The following AK5 variants were observed in gnomAD, a reference collection of about 807,000 sequenced individuals.
AK5 encodes adenylate kinase isoenzyme 5.
A neutral mutation model predicts 69.5 loss-of-function variants in AK5; 27 were observed. The ratio of observed to expected loss-of-function variants is 0.39; its 90% CI spans 0.29 to 0.54. The LOEUF (loss-of-function observed/expected upper bound fraction) is 0.54, where lower values mean the gene tolerates loss of function less well. AK5 is among the 20% of genes least tolerant of loss of function. The pLI is 0.71. For synonymous variants in AK5, 260 were observed against 244.4 expected (o/e 1.06, Z -0.60); for missense variants, 531 against 700.4 (o/e 0.76, Z 2.73).
chr1:77,367,770 G>GTTATATATA (rs1647007830), intron 6 of AK5, among the ~76,000 whole-genome samples: 7 of 5,286 alleles, frequency 1.3e-3, no homozygotes, highest in African/African-American at 3.6e-3. Flanking sequence ...TATAATATAT[G>GTTATATATA]TTATATATAA....
intron 8 of AK5, among the ~76,000 whole-genome samples, chr1:77,456,019 G>C (rs1353470107): frequency 6.6e-6 from 1 of 152,198 alleles, no homozygotes; most frequent in Non-Finnish European, 1.5e-5. Context: ...GCTAATTCAT[G>C]AAAGTAACCC....
At chr1:77,298,302 T>G in intron 5 of AK5, among the ~76,000 whole-genome samples, 1 of 152,246 alleles carries the variant, frequency 6.6e-6, no homozygotes, top group East Asian at 1.9e-4. Flanking sequence ...TACCCTGTAC[T>G]TATATTCATG....
chr1:77,533,518 A>C (rs796467097), intron 12 of AK5, among the ~76,000 whole-genome samples: 1 of 143,172 alleles, frequency 7.0e-6, no homozygotes, highest in South Asian at 2.5e-4. Flanking sequence ...CCAAAAAAAA[A>C]AAAAAAAAAA....
At chr1:77,352,254 G>A (rs1304442757) in intron 6 of AK5, among the ~76,000 whole-genome samples, 4 of 152,092 alleles carry the variant, frequency 2.6e-5, no homozygotes, top group Non-Finnish European at 4.4e-5. Flanking sequence ...TATGAAAAAT[G>A]GTTAAAATAG....
intron 13 of AK5, 139 bp from the exon 14 acceptor site, chr1:77,558,463 T>G: frequency 1.8e-6 from 1 of 551,806 alleles, no homozygotes; most frequent in Non-Finnish European, 3.2e-6. Flanking sequence ...CTCTTCACTT[T>G]TTTCTCTGTG....
chr1:77,365,173 A>G (rs1261256586), intron 6 of AK5, among the ~76,000 whole-genome samples: 1 of 152,186 alleles, frequency 6.6e-6, no homozygotes, highest in Admixed American at 6.5e-5. Flanking sequence ...CTTTTAAAAA[A>G]TGCCTGTTCA....
At position 77,343,379 on chromosome 1, in the gene AK5, G is replaced by A. The variant is rs1032577328; in HGVS notation, c.891+2811G>A. On this transcript the variant is annotated intron_variant, in intron 6 of 13. Coordinates refer to ENST00000354567, the MANE Select transcript of AK5 (RefSeq NM_174858.3). Reference sequence around the variant, plus strand: ...TCCTGTCACTTGGAATCTCAGTTCCGTTGCCATTTAATAATTTCATGATGC... The same window carrying A: ...TCCTGTCACTTGGAATCTCAGTTCCATTGCCATTTAATAATTTCATGATGC... 2.1e-4 allele frequency among the ~76,000 whole-genome samples: 32 copies of A among 152,246 alleles called. 1 individual carries two copies. Among genetic ancestry groups the A allele is most frequent in the Admixed American group, 1.6e-3 (24 of 15,300 alleles).
chr1:77,409,989 G>A (rs1013709155), intron 6 of AK5, among the ~76,000 whole-genome samples: 42 of 152,016 alleles, frequency 2.8e-4, no homozygotes, highest in Middle Eastern at 3.2e-3. Flanking sequence ...ACTATTTATT[G>A]AATAGGGAGT....
chr1:77,439,826 G>T (rs1016135540), intron 8 of AK5, among the ~76,000 whole-genome samples: 23 of 149,978 alleles, frequency 1.5e-4, no homozygotes, highest in Non-Finnish European at 2.9e-4. Context: ...ATGTATGTAT[G>T]TATATCTCAT....
At chr1:77,490,042 C>T (rs1253409622) in intron 10 of AK5, among the ~76,000 whole-genome samples, 1 of 152,184 alleles carries the variant, frequency 6.6e-6, no homozygotes, top group Non-Finnish European at 1.5e-5. Context: ...CTACATCATT[C>T]ATTTGGGTAC....
chr1:77,454,027 G>A (rs1354422348), intron 8 of AK5, among the ~76,000 whole-genome samples: 1 of 152,160 alleles, frequency 6.6e-6, no homozygotes, highest in Admixed American at 6.6e-5. Context: ...TGAGGAAGAA[G>A]CTTCTAGTCT....
intron 8 of AK5, among the ~76,000 whole-genome samples, chr1:77,466,896 C>T (rs552473294): frequency 2.0e-3 from 300 of 152,316 alleles, no homozygotes; most frequent in African/African-American, 6.9e-3. Context: ...CCATAGCAAC[C>T]ATAGCACCCA....
chr1:77,431,324 T>C (rs1651622900), intron 8 of AK5, among the ~76,000 whole-genome samples: 1 of 152,216 alleles, frequency 6.6e-6, no homozygotes, highest in East Asian at 1.9e-4. Flanking sequence ...TTTCATTTTT[T>C]TCATTCCTTT....
chr1:77,333,528 T>C (rs1260301739), intron 5 of AK5, among the ~76,000 whole-genome samples: 1 of 150,834 alleles, frequency 6.6e-6, no homozygotes, highest in Non-Finnish European at 1.5e-5. Context: ...AATTAAGCAA[T>C]TTTTATTTTT....
At chr1:77,305,126 G>T (rs888937891) in intron 5 of AK5, among the ~76,000 whole-genome samples, 1 of 152,084 alleles carries the variant, frequency 6.6e-6, no homozygotes, top group African/African-American at 2.4e-5. Context: ...TTTGCCATTT[G>T]TATATTGTCT....
At chr1:77,473,110 G>T (rs1364401008) in intron 8 of AK5, among the ~76,000 whole-genome samples, 3 of 152,024 alleles carry the variant, frequency 2.0e-5, no homozygotes, top group Non-Finnish European at 4.4e-5. Flanking sequence ...CTTTGCTGGG[G>T]GTGGGAGGAT....
At chr1:77,544,032 G>A (rs1659415910) in intron 13 of AK5, among the ~76,000 whole-genome samples, 2 of 152,152 alleles carry the variant, frequency 1.3e-5, no homozygotes, top group African/African-American at 4.8e-5. Context: ...ATCAGAGAGT[G>A]TACTAACACA....
intron 5 of AK5, 68 bp from the exon 6 acceptor site, chr1:77,340,309 A>AG: frequency 6.9e-7 from 1 of 1,446,006 alleles, no homozygotes; most frequent in Non-Finnish European, 9.5e-7. Flanking sequence ...AAGGAAATGA[A>AG]TGCAGCTGCC....
At chr1:77,552,864 C>T (rs1659885692) in intron 13 of AK5, among the ~76,000 whole-genome samples, 1 of 152,104 alleles carries the variant, frequency 6.6e-6, no homozygotes, top group African/African-American at 2.4e-5. Context: ...ATAGCAAGAC[C>T]CCATCTCTAC....
Sources: allele counts gnomAD v4.1 joint callset (sites outside exome capture counted in the v4.1 genomes callset), GRCh38; gene constraint gnomAD v4.1.1; transcripts MANE v1.5; gene names NCBI Gene and HGNC (gene_info 2026-07-23, HGNC 2026-07-21).